Variants in BEND2 observed in about 807,000 individuals in gnomAD.
BEND2 encodes BEN domain-containing protein 2.
In BEND2, 19 loss-of-function variants were observed where a neutral mutation model predicts 43.8. That is an observed-to-expected ratio of 0.43 (90% confidence interval 0.30 to 0.64). The LOEUF (loss-of-function observed/expected upper bound fraction) is 0.64. Among genes scored for constraint, BEND2 ranks in the 30% least tolerant of loss-of-function variants. BEND2 has a pLI of 0.11. For synonymous variants in BEND2, 226 were observed against 210.1 expected (o/e 1.08, Z -0.66); for missense variants, 544 against 574.0 (o/e 0.95, Z 0.53).
At chrX:18,219,815 A>G (rs1925799899) in intron 1 of BEND2, among the ~76,000 whole-genome samples, 1 of 111,910 alleles carries the variant, frequency 8.9e-6, no homozygotes, top group Non-Finnish European at 1.9e-5. Flanking sequence ...CTGAGGTGAG[A>G]GGACCGCTTG....
chrX:18,170,786 G>T (rs1342720659), intron 13 of BEND2: 1 of 335,924 alleles, frequency 3.0e-6, no homozygotes, highest in Non-Finnish European at 3.9e-6. Flanking sequence ...TTCTAGTAAA[G>T]CCATTCAAGA....
chrX:18,218,846 A>G (rs923606452), intron 1 of BEND2, among the ~76,000 whole-genome samples: 5 of 112,106 alleles, frequency 4.5e-5, no homozygotes, highest in African/African-American at 1.6e-4. Context: ...GGCGACAGAG[A>G]GAGACTCTGC....
intron 7 of BEND2, among the ~76,000 whole-genome samples, chrX:18,193,213 G>A (rs1049226537): frequency 5.7e-4 from 63 of 110,833 alleles, no homozygotes; most frequent in African/African-American, 2.0e-3. Flanking sequence ...AGCTACTTAG[G>A]AGGCTGAGGC....
intron 6 of BEND2, among the ~76,000 whole-genome samples, chrX:18,199,135 T>C (rs1191770297): frequency 3.7e-5 from 4 of 106,730 alleles, no homozygotes; most frequent in Non-Finnish European, 7.7e-5. Flanking sequence ...CACACCAGCA[T>C]GGCACATGTA....
At chrX:18,211,613 T>C (rs747344147) in intron 4 of BEND2, among the ~76,000 whole-genome samples, 1 of 111,109 alleles carries the variant, frequency 9.0e-6, no homozygotes, top group Non-Finnish European at 1.9e-5. Context: ...TGAAACACTG[T>C]CTCTACTAAA....
chrX:18,205,330 G>A (rs1042522745), intron 4 of BEND2, among the ~76,000 whole-genome samples: 3 of 109,807 alleles, frequency 2.7e-5, no homozygotes, highest in Admixed American at 2.0e-4. Flanking sequence ...TTGGGAGGCC[G>A]AGGCAGGCGG....
At position 18,163,907 on chromosome X, in the gene BEND2, C is replaced by T. The variant is rs987164117; in HGVS notation, c.*1102G>A. ...GTTGTAAAAAACTTGTGAAACTGAA[C>T]AGTGAATGAAGCCAAAGACTATCTT... On this transcript the variant is annotated 3_prime_UTR_variant, in exon 14 of 14. Coordinates refer to ENST00000380033, the MANE Select transcript of BEND2 (RefSeq NM_153346.5). 1.8e-5 allele frequency: 2 copies of T among 112,174 alleles called. No individual in the cohort carries two copies. The highest frequency in any genetic ancestry group is 3.8e-5 in the Non-Finnish European group (2 of 53,244). The allele number at this position is 112,174 out of a possible 1,213,427, so 9.2% of individuals were successfully genotyped here. A position where few individuals can be genotyped will look rare whatever the true frequency, so the allele number is the denominator to read the frequency against.
At chrX:18,213,076 C>A (rs1431726312) in intron 3 of BEND2, among the ~76,000 whole-genome samples, 1 of 111,490 alleles carries the variant, frequency 9.0e-6, no homozygotes, top group Non-Finnish European at 1.9e-5. Flanking sequence ...TAGATCGGAC[C>A]CCCACTGCTA....
At chrX:18,187,420 G>A (rs1351401911) in intron 8 of BEND2, among the ~76,000 whole-genome samples, 1 of 111,889 alleles carries the variant, frequency 8.9e-6, no homozygotes, top group Non-Finnish European at 1.9e-5. Flanking sequence ...TAATGATTAA[G>A]GGGTCAATTC....
At position 18,163,505 on chromosome X, in the gene BEND2, G is replaced by A. The variant is rs1279374708; in HGVS notation, c.*1504C>T. The A allele has an allele frequency of 8.9e-6, 1 of 111,841 alleles. No individual in the cohort carries two copies. The highest frequency in any genetic ancestry group is 1.9e-5 in the Non-Finnish European group (1 of 53,171). The allele number at this position is 111,841 out of a possible 1,213,427, so 9.2% of individuals were successfully genotyped here. ...ATTGCAAATTTATATTTTTAATGTGGTATATTTATTTACATTTCCATCATG... is the reference window on the plus strand; with the variant it reads ...ATTGCAAATTTATATTTTTAATGTGATATATTTATTTACATTTCCATCATG... On this transcript the variant is annotated 3_prime_UTR_variant, in exon 14 of 14. Transcript: ENST00000380033.
intron 13 of BEND2, among the ~76,000 whole-genome samples, chrX:18,169,397 T>A (rs1451385442): frequency 9.0e-6 from 1 of 110,960 alleles, no homozygotes; most frequent in Non-Finnish European, 1.9e-5. Flanking sequence ...AAATGTCTAT[T>A]ATCGGTGATG....
rs1925852521 is a variant in BEND2 at position 18,220,859 on chromosome X, T to C, written c.-109A>G. ...AACTGCTTGGTAACTGTGTGGTAAC[T>C]GCGTACACTCGTTGTCCGAGGCACA... is the stretch of plus-strand genomic sequence containing the variant. On this transcript the variant is annotated 5_prime_UTR_variant, in exon 1 of 14. Transcript: ENST00000380033. The C allele has an allele frequency of 1.1e-6, 1 of 887,377 alleles. No homozygotes were observed. The highest frequency in any genetic ancestry group is 2.4e-5 in the South Asian group (1 of 41,020). 73.1% of individuals were successfully genotyped at this position (887,377 alleles called of 1,213,427 possible).
chrX:18,173,665 C>T (rs983096496), intron 12 of BEND2, among the ~76,000 whole-genome samples: 2 of 111,166 alleles, frequency 1.8e-5, no homozygotes, highest in Non-Finnish European at 3.8e-5. Context: ...TTCACGAATT[C>T]GTGCCAAAAA....
chrX:18,170,424 G>T (rs1923938285), intron 13 of BEND2, among the ~76,000 whole-genome samples: 1 of 112,015 alleles, frequency 8.9e-6, no homozygotes, highest in Non-Finnish European at 1.9e-5. Flanking sequence ...AAATTTGTTG[G>T]CTATGAAAAT....
intron 6 of BEND2, among the ~76,000 whole-genome samples, chrX:18,200,104 C>CA (rs1925091740): frequency 8.9e-6 from 1 of 111,773 alleles, no homozygotes; most frequent in African/African-American, 3.2e-5. Context: ...GGCTTCACTC[C>CA]TAATATCCAA....
chrX:18,219,653 C>T (rs763869438), intron 1 of BEND2, among the ~76,000 whole-genome samples: 1 of 112,531 alleles, frequency 8.9e-6, no homozygotes, highest in Non-Finnish European at 1.9e-5. Flanking sequence ...CGCCAGTAAT[C>T]CTAGCACTTT....
At chrX:18,216,831 CAT>C (rs957349036) in intron 1 of BEND2, 98 bp from the exon 2 acceptor site, 1 of 648,284 alleles carries the variant, frequency 1.5e-6, no homozygotes, top group African/African-American at 2.2e-5. Context: ...GTTTAAAAAA[CAT>C]ATTTTAGCTG....
intron 4 of BEND2, among the ~76,000 whole-genome samples, chrX:18,209,605 C>G (rs1332951468): frequency 8.9e-6 from 1 of 111,906 alleles, no homozygotes; most frequent in African/African-American, 3.2e-5. Flanking sequence ...TAATCTCGAT[C>G]TATTCAAGAG....
In BEND2 at chrX:18,177,563, A is replaced by C; in HGVS notation, c.1630+6T>G. 2 of 1,203,302 alleles carry C rather than the reference A, an allele frequency of 1.7e-6. No homozygotes were observed. Among genetic ancestry groups the C allele is most frequent in the Non-Finnish European group, 2.3e-6 (2 of 888,003 alleles). ...AAGATTCCATTATCACTTTATGTAC[A>C]CATACCTCTCAATGCAGCCATTTTG... On this transcript the variant is annotated splice_donor_region_variant and intron_variant, in intron 10 of 13. Transcript: ENST00000380033.
Sources: gnomAD v4.1 joint callset for allele counts (sites outside exome capture counted in the v4.1 genomes callset) on GRCh38, gnomAD v4.1.1 for gene constraint, MANE v1.5 for transcripts, NCBI Gene and HGNC (gene_info 2026-07-23, HGNC 2026-07-21) for gene names.